SMARCA4: variants seen among roughly 807,000 people sequenced by gnomAD.
SMARCA4 encodes SWI/SNF-related matrix-associated actin-dependent regulator of chromatin subfamily A member 4.
In SMARCA4, 31 loss-of-function variants were observed where a neutral mutation model predicts 193.9. The ratio of observed to expected loss-of-function variants is 0.16; its 90% CI spans 0.12 to 0.22. The LOEUF is 0.22. Among genes scored for constraint, SMARCA4 ranks in the 10% least tolerant of loss-of-function variants. SMARCA4 has a pLI of 1.00. For synonymous variants in SMARCA4, 942 were observed against 933.1 expected (o/e 1.01, Z -0.17); for missense variants, 1,148 against 2,296.0 (o/e 0.50, Z 10.22).
At chr19:10,998,325 T>C (rs2087280736) in intron 11 of SMARCA4, among the ~76,000 whole-genome samples, 1 of 152,152 alleles carries the variant, frequency 6.6e-6, no homozygotes, top group Non-Finnish European at 1.5e-5. Context: ...CGAGAGTGCA[T>C]GGCGGAGGTT....
At chr19:11,061,088 TGAG>T (rs1266260749) in intron 34 of SMARCA4, among the ~76,000 whole-genome samples, 5 of 150,996 alleles carry the variant, frequency 3.3e-5, no homozygotes, top group Non-Finnish European at 7.4e-5. Flanking sequence ...TTTGGGAAAC[TGAG>T]GCAGGAGGCT....
At chr19:10,988,848 G>A (rs1455457264) in intron 6 of SMARCA4, among the ~76,000 whole-genome samples, 3 of 152,192 alleles carry the variant, frequency 2.0e-5, no homozygotes, top group Admixed American at 6.5e-5. Context: ...ATGAGTATGT[G>A]CAGAAAGACT....
chr19:11,029,931 C>T (rs1373488435), intron 24 of SMARCA4, among the ~76,000 whole-genome samples: 2 of 152,198 alleles, frequency 1.3e-5, no homozygotes, highest in African/African-American at 4.8e-5. Flanking sequence ...CCACCTCAGC[C>T]TCCCAAAGTG....
chr19:11,016,229 C>G (rs922370046), intron 16 of SMARCA4, among the ~76,000 whole-genome samples: 3 of 152,082 alleles, frequency 2.0e-5, no homozygotes, highest in Non-Finnish European at 4.4e-5. Context: ...CATTCATCCC[C>G]CATCCCCAGT....
At chr19:11,010,713 T>G (rs1352138759) in intron 15 of SMARCA4, among the ~76,000 whole-genome samples, 182 bp downstream of exon 15, 1 of 152,110 alleles carries the variant, frequency 6.6e-6, no homozygotes, top group Non-Finnish European at 1.5e-5. Context: ...TCTGGTAGGT[T>G]AGCTGCCAGG....
chr19:11,042,547 G>C (rs532594739), intron 30 of SMARCA4, among the ~76,000 whole-genome samples: 6 of 152,266 alleles, frequency 3.9e-5, no homozygotes, highest in African/African-American at 1.4e-4. Flanking sequence ...ACAGTTTGCT[G>C]TTAGTCATGA....
chr19:10,969,604 A>G (rs550195975), intron 1 of SMARCA4, among the ~76,000 whole-genome samples: 1 of 150,526 alleles, frequency 6.6e-6, no homozygotes, highest in South Asian at 2.1e-4. Context: ...CTAATTTTGT[A>G]TTTTTAGTAG....
chr19:11,039,364 G>A (rs747004219), intron 29 of SMARCA4: 35 of 657,818 alleles, frequency 5.3e-5, no homozygotes, highest in Non-Finnish European at 6.2e-5. Flanking sequence ...TGAAAAAAAG[G>A]GAAATGACCT....
chr19:10,961,182 AC>A lies in SMARCA4; in HGVS notation c.-32+9del, dbSNP rs1439769203. 6.8e-6 allele frequency: 1 copy of A among 147,104 alleles called. No homozygotes were observed. Among genetic ancestry groups the A allele is most frequent in the Non-Finnish European group, 1.5e-5 (1 of 66,104 alleles). 9.1% of individuals were successfully genotyped at this position (147,104 alleles called of 1,614,324 possible). ...CGGCGCCGGCGGCTCCTGGTAAGGA[AC>A]GCGGGCCGCGGGGGCAGCGCGGCGC... is the stretch of plus-strand genomic sequence containing the variant. On this transcript the variant is annotated intron_variant, in intron 1 of 34. Transcript: ENST00000344626.
Position 11,039,563 on chromosome 19 carries a change from G to A in SMARCA4, c.4171-1744G>A, listed in dbSNP as rs1060504428. 2.5e-6 allele frequency: 4 copies of A among 1,569,552 alleles called. No individual in the cohort carries two copies. Among genetic ancestry groups the A allele is most frequent in the South Asian group, 1.2e-5 (1 of 85,170 alleles). On this transcript the variant is annotated intron_variant, in intron 29 of 34. Coordinates refer to ENST00000344626, the MANE Select transcript of SMARCA4 (RefSeq NM_003072.5). ...CACACGTGCGTCAAAGGTGGGGAGA[G>A]TTCTGGTGGTGGGTGGCGCTGAGGG... is the stretch of plus-strand genomic sequence containing the variant.
At chr19:11,022,827 T>TA in intron 19 of SMARCA4, among the ~76,000 whole-genome samples, 1 of 152,282 alleles carries the variant, frequency 6.6e-6, no homozygotes, top group African/African-American at 2.4e-5. Context: ...CCCCAATTTT[T>TA]AGACTCCCGG....
At chr19:11,049,623 T>TG (rs916322401) in intron 30 of SMARCA4, among the ~76,000 whole-genome samples, 5 of 152,062 alleles carry the variant, frequency 3.3e-5, no homozygotes, top group African/African-American at 1.2e-4. Context: ...CTGAGGCATT[T>TG]GGGGCACTGT....
At chr19:11,043,534 G>T (rs905149339) in intron 30 of SMARCA4, among the ~76,000 whole-genome samples, 2 of 151,782 alleles carry the variant, frequency 1.3e-5, no homozygotes, top group African/African-American at 2.4e-5. Context: ...CATGCCTGGG[G>T]TCCCCACTAC....
intron 1 of SMARCA4, among the ~76,000 whole-genome samples, chr19:10,969,099 T>C (rs2084470083): frequency 6.6e-6 from 1 of 152,182 alleles, no homozygotes; most frequent in Non-Finnish European, 1.5e-5. Context: ...TCTGCATGGC[T>C]TAACCTCTTT....
intron 1 of SMARCA4, among the ~76,000 whole-genome samples, chr19:10,974,681 A>ATG (rs2084959522): frequency 2.4e-5 from 1 of 42,138 alleles, no homozygotes; most frequent in African/African-American, 9.6e-5. Context: ...ATATATATAT[A>ATG]TATATATATT....
intron 29 of SMARCA4, chr19:11,039,607 G>T: frequency 9.9e-7 from 1 of 1,010,490 alleles, no homozygotes. Flanking sequence ...CACTGGGGAC[G>T]TGCCTAATGC....
At chr19:11,039,380 C>A in intron 29 of SMARCA4, 1 of 759,262 alleles carries the variant, frequency 1.3e-6, no homozygotes, top group Non-Finnish European at 2.1e-6. Flanking sequence ...GACCTAAATG[C>A]CCAAGAACAA....
rs757856874 is a variant in SMARCA4 at position 10,985,432 on chromosome 19, T to G, written c.355+27T>G. ...TACAGAACTGCGTTCCTTCCTGCCTTGTGTTTGTCATACTCCAGAGTCCTC... is the reference window on the plus strand; with the variant it reads ...TACAGAACTGCGTTCCTTCCTGCCTGGTGTTTGTCATACTCCAGAGTCCTC... On this transcript the variant is annotated intron_variant, in intron 3 of 34. Transcript: ENST00000344626. This position sits in a 1 kb window ranked among gnomAD's most constrained non-coding sequence, Gnocchi z 4.5. 2 of 1,612,378 alleles carry G rather than the reference T, an allele frequency of 1.2e-6. No individual in the cohort carries two copies.
intron 30 of SMARCA4, among the ~76,000 whole-genome samples, chr19:11,054,227 C>T (rs917451872): frequency 9.2e-5 from 14 of 152,216 alleles, no homozygotes; most frequent in Admixed American, 8.5e-4. Flanking sequence ...AACACTTGTT[C>T]CTGAGTGTCC....
Sources: gnomAD v4.1 joint callset for allele counts (sites outside exome capture counted in the v4.1 genomes callset) on GRCh38, gnomAD v4.1.1 for gene constraint, Gnocchi (gnomAD v3.1) non-coding constraint, MANE v1.5 for transcripts, NCBI Gene and HGNC (gene_info 2026-07-23, HGNC 2026-07-21) for gene names.